The following MORC2 variants were observed in gnomAD, a reference collection of about 807,000 sequenced individuals.
MORC2 encodes the protein MORC family CW-type zinc finger 2, also known as ATPase MORC2.
MORC2 carries 30 observed loss-of-function variants against 136.0 expected under a neutral mutation model. That is an observed-to-expected ratio of 0.22 (90% confidence interval 0.17 to 0.30). MORC2 has a LOEUF of 0.30. Ranked by LOEUF, MORC2 falls within the 10% of genes least tolerant of loss-of-function variation. The pLI, the probability that MORC2 is intolerant of heterozygous loss-of-function variation, is 1.00. For synonymous variants in MORC2, 439 were observed against 487.0 expected (o/e 0.90, Z 1.30); for missense variants, 922 against 1,333.1 (o/e 0.69, Z 4.80).
chr22:30,950,347 A>ACCC, intron 4 of MORC2, 30 bp downstream of exon 4: 8 of 397,196 alleles, frequency 2.0e-5, no homozygotes, highest in South Asian at 2.6e-5. Context: ...GCACCCCCCC[A>ACCC]CCCCCCAAAA....
At chr22:30,952,910 T>C (rs886866518) in intron 3 of MORC2, among the ~76,000 whole-genome samples, 1 of 152,226 alleles carries the variant, frequency 6.6e-6, no homozygotes, top group Non-Finnish European at 1.5e-5. Flanking sequence ...TAGAAAAGTA[T>C]TGGCTAGAGC....
intron 25 of MORC2, among the ~76,000 whole-genome samples, chr22:30,927,170 C>T (rs887153813): frequency 3.3e-5 from 5 of 152,150 alleles, no homozygotes; most frequent in Non-Finnish European, 7.3e-5. Flanking sequence ...TTCTCTGTCA[C>T]TGCCCAAGGT....
intron 17 of MORC2, among the ~76,000 whole-genome samples, chr22:30,936,121 T>C (rs5997813): frequency 1.7e-3 from 266 of 152,338 alleles, no homozygotes; most frequent in African/African-American, 6.0e-3. Context: ...ATACATGGCA[T>C]TATCTCCCTA....
intron 1 of MORC2, among the ~76,000 whole-genome samples, chr22:30,965,436 G>A (rs1031643459): frequency 6.6e-6 from 1 of 152,128 alleles, no homozygotes; most frequent in African/African-American, 2.4e-5. Flanking sequence ...CTTCCAATCA[G>A]GTCACCACAA....
At position 30,940,828 on chromosome 22, in the gene MORC2, CT is replaced by C; in HGVS notation, c.833del (p.Lys278SerfsTer15). 1 of 1,614,052 alleles carries C rather than the reference CT, an allele frequency of 6.2e-7. No individual in the cohort carries two copies. Among genetic ancestry groups the C allele is most frequent in the Non-Finnish European group, 8.5e-7 (1 of 1,179,980 alleles). ...SCCLYKPRMYKYTSSRFKTRA... is the reference protein window; with the variant it reads ...SCCLYKPRMYXYTSSRFKTRA... ...GGGTCTTGAAACGGCTTGACGTGTA[CT>C]TGTACATCCTGATCAGTAGAAAAAG... On this transcript the variant is annotated frameshift_variant, in exon 10 of 26. Transcript: ENST00000397641. LOFTEE classifies it high-confidence loss of function.
chr22:30,930,623 C>T (rs2040561021), intron 24 of MORC2, among the ~76,000 whole-genome samples: 1 of 152,206 alleles, frequency 6.6e-6, no homozygotes, highest in Admixed American at 6.5e-5. Context: ...AAGACAAACT[C>T]CATGTTTTTA....
rs1446108389 is a variant in MORC2, at chr22:30,934,079, T to A, written c.2306A>T (p.Glu769Val). Residue 769 changes from glutamate (E) to valine (V), a missense_variant, in exon 20 of 26, where the codon GAA becomes GTA. Around this residue, in one of 9 missense-constraint regions of MORC2, gnomAD observed 263 missense variants for 388.3 expected, o/e 0.68. Transcript: ENST00000397641. The surrounding 1 kb of genome is among the most constrained non-coding windows in gnomAD (Gnocchi z 4.4). ...CKRGRFVVKE[E>V]KKDSNELSDS... ...ACTCACCTCATTCGAGTCCTTCTTT[T>A]CCTCCTTCACAACAAATCTGCCCCG... 1 of 1,614,124 alleles carries A rather than the reference T, an allele frequency of 6.2e-7. No homozygotes were observed. The highest frequency in any genetic ancestry group is 1.1e-5 in the South Asian group (1 of 91,078).
intron 1 of MORC2, among the ~76,000 whole-genome samples, chr22:30,959,726 TCTGA>T (rs1481768627): frequency 1.3e-5 from 2 of 152,242 alleles, no homozygotes; most frequent in Non-Finnish European, 2.9e-5. Context: ...TCCATGTTAC[TCTGA>T]CTTTTTTGCA....
In MORC2 at chr22:30,932,827, G is replaced by A; in HGVS notation, c.2523-58C>T. 1 of 1,613,174 alleles carries A rather than the reference G, an allele frequency of 6.2e-7. No individual in the cohort carries two copies. Among genetic ancestry groups the A allele is most frequent in the Non-Finnish European group, 8.5e-7 (1 of 1,179,288 alleles). On this transcript the variant is annotated intron_variant, in intron 22 of 25. Coordinates refer to ENST00000397641, the MANE Select transcript of MORC2 (RefSeq NM_001303256.3). This position sits in a 1 kb window ranked among gnomAD's most constrained non-coding sequence, Gnocchi z 4.4. ...ACCCGGGCTCCCAGGATGGGCTGCTGGCAGGGAGGCCGGGGATACCTCCTT... is the reference window on the plus strand; with the variant it reads ...ACCCGGGCTCCCAGGATGGGCTGCTAGCAGGGAGGCCGGGGATACCTCCTT...
At chr22:30,966,747 T>A (rs1219591199) in intron 1 of MORC2, among the ~76,000 whole-genome samples, 2 of 152,062 alleles carry the variant, frequency 1.3e-5, no homozygotes, top group African/African-American at 4.8e-5. Flanking sequence ...CACCCCACTC[T>A]AGCCTGAGCA....
chr22:30,954,582 T>C (rs908839284), intron 3 of MORC2, among the ~76,000 whole-genome samples: 3 of 152,192 alleles, frequency 2.0e-5, no homozygotes, highest in Non-Finnish European at 4.4e-5. Context: ...CTCTGGACAT[T>C]TCCCAAAGCA....
At chr22:30,957,472 T>C (rs1259850720) in intron 2 of MORC2, among the ~76,000 whole-genome samples, 2 of 152,260 alleles carry the variant, frequency 1.3e-5, no homozygotes, top group South Asian at 2.1e-4. Flanking sequence ...ACCGTTTCAC[T>C]GGTTTTACAT....
chr22:30,954,472 C>T (rs1190570425), intron 3 of MORC2, among the ~76,000 whole-genome samples: 2 of 152,208 alleles, frequency 1.3e-5, no homozygotes, highest in African/African-American at 2.4e-5. Context: ...CTTGACTGTT[C>T]CCTCAAGATC....
At chr22:30,953,274 G>A (rs558248097) in intron 3 of MORC2, among the ~76,000 whole-genome samples, 39 of 152,260 alleles carry the variant, frequency 2.6e-4, no homozygotes, top group African/African-American at 8.4e-4. Flanking sequence ...TATGTTCCCC[G>A]CCTCCCATCA....
At position 30,949,647 on chromosome 22, in the gene MORC2, A is replaced by G. The variant is rs537733689; in HGVS notation, c.317+105T>C. ...TCTGACTTCTTCCAGTTCCAGAATT[A>G]TAGTCAATAGAGGGACAAGGAGAAG... On this transcript the variant is annotated intron_variant, in intron 5 of 25. Transcript: ENST00000397641. 1.1e-4 allele frequency: 100 copies of G among 946,826 alleles called. No individual in the cohort carries two copies. The African/African-American group carries it at 1.5e-3, about 14-fold the overall frequency. 58.7% of individuals were successfully genotyped at this position (946,826 alleles called of 1,614,324 possible). A position where few individuals can be genotyped will look rare whatever the true frequency, so the allele number is the denominator to read the frequency against.
At chr22:30,963,798 T>A (rs2041085041) in intron 1 of MORC2, among the ~76,000 whole-genome samples, 1 of 152,232 alleles carries the variant, frequency 6.6e-6, no homozygotes, top group Non-Finnish European at 1.5e-5. Context: ...ATGGTCTCCC[T>A]ATTTACATTC....
rs1260525400 is a variant in MORC2 at position 30,934,645 on chromosome 22, C to G, written c.2193+136G>C. 7 of 1,288,302 alleles carry G rather than the reference C, an allele frequency of 5.4e-6. No individual in the cohort carries two copies. The African/African-American group carries it at 8.9e-5, about 16-fold the overall frequency. The allele number at this position is 1,288,302 out of a possible 1,614,324, so 79.8% of individuals were successfully genotyped here. A position where few individuals can be genotyped will look rare whatever the true frequency, so the allele number is the denominator to read the frequency against. On this transcript the variant is annotated intron_variant, in intron 19 of 25. Coordinates refer to ENST00000397641, the MANE Select transcript of MORC2 (RefSeq NM_001303256.3). This position sits in a 1 kb window ranked among gnomAD's most constrained non-coding sequence, Gnocchi z 4.4. ...AAGTCCGTTCAGCTATCAAGGCTTC[C>G]CGTCCTCAGGGGCAGCAGCAAAGCT...
rs2040486890 is a variant in MORC2, at chr22:30,926,586, A to AAAAAAAAGG, written c.*216_*217insCCTTTTTTT. 2 of 181,514 alleles carry AAAAAAAAGG rather than the reference A, an allele frequency of 1.1e-5. No individual in the cohort carries two copies. Among genetic ancestry groups the AAAAAAAAGG allele is most frequent in the Non-Finnish European group, 2.1e-5 (2 of 95,666 alleles). 11.2% of individuals were successfully genotyped at this position (181,514 alleles called of 1,614,324 possible). A position where few individuals can be genotyped will look rare whatever the true frequency, so the allele number is the denominator to read the frequency against. On this transcript the variant is annotated 3_prime_UTR_variant, in exon 26 of 26. Transcript: ENST00000397641. ...AAAAAAAAAAAAAAAAAAAAAAAAA[A>AAAAAAAAGG]GTATGGTCTCACAGGCACAGCATCT...
At chr22:30,962,665 A>G (rs184772228) in intron 1 of MORC2, among the ~76,000 whole-genome samples, 219 of 151,990 alleles carry the variant, frequency 1.4e-3, no homozygotes, top group African/African-American at 5.1e-3. Context: ...GCATACATAC[A>G]TATTTCAGAT....
Sources: allele counts gnomAD v4.1 joint callset (sites outside exome capture counted in the v4.1 genomes callset), GRCh38; gene constraint gnomAD v4.1.1; regional missense constraint gnomAD v4.1.1; non-coding constraint Gnocchi (gnomAD v3.1); transcripts MANE v1.5; gene names NCBI Gene and HGNC (gene_info 2026-07-23, HGNC 2026-07-21).